Variants in GNAL observed in about 807,000 individuals in gnomAD.
GNAL encodes the protein guanine nucleotide-binding protein G(olf) subunit alpha.
Under a neutral mutation model 55.1 loss-of-function variants are expected in GNAL, and 18 were observed. The ratio of observed to expected loss-of-function variants is 0.33; its 90% CI spans 0.23 to 0.48. The LOEUF is 0.48. Ranked by LOEUF, GNAL falls within the 20% of genes least tolerant of loss-of-function variation. GNAL has a pLI of 0.99. For synonymous variants in GNAL, 253 were observed against 237.0 expected (o/e 1.07, Z -0.62); for missense variants, 412 against 614.1 (o/e 0.67, Z 3.48).
At chr18:11,845,769 A>AAG (rs58313183) in intron 5 of GNAL, among the ~76,000 whole-genome samples, 98 of 147,662 alleles carry the variant, frequency 6.6e-4, no homozygotes, top group South Asian at 1.6e-3. Context: ...AGGAAGAGAA[A>AAG]AGAGAGAGAG....
chr18:11,780,823 A>G (rs1407115867), intron 4 of GNAL, among the ~76,000 whole-genome samples: 3 of 152,246 alleles, frequency 2.0e-5, no homozygotes, highest in Non-Finnish European at 4.4e-5. Flanking sequence ...TTCAAATACT[A>G]GAACCAGAAA....
At chr18:11,864,406 A>C in intron 6 of GNAL, 127 bp from the exon 7 acceptor site, 1 of 700,566 alleles carries the variant, frequency 1.4e-6, no homozygotes, top group East Asian at 2.6e-5. Flanking sequence ...GTTGGTTCTT[A>C]ATTGTTGTTT....
At position 11,834,914 on chromosome 18, in the gene GNAL, A is replaced by G. The variant is rs543102726; in HGVS notation, c.722+9899A>G. ...GGGCCCTGCAGGTGAGCCCCAGCTC[A>G]AGTGGCCTTGGGCAAAGCAGGGTGT... is the stretch of plus-strand genomic sequence containing the variant. On this transcript the variant is annotated intron_variant, in intron 5 of 11. Coordinates refer to ENST00000334049, the MANE Select transcript of GNAL (RefSeq NM_182978.4). Among the ~76,000 whole-genome samples, 296 of 152,338 alleles carry G rather than the reference A, an allele frequency of 1.9e-3. 2 individuals carry two copies. Among genetic ancestry groups the G allele is most frequent in the African/African-American group, 7.0e-3 (290 of 41,588 alleles).
rs115539898 is a variant in GNAL at position 11,719,620 on chromosome 18, C to T, written c.376+29681C>T. ...CAATCTGTTGATACTAAATTGCTTG[C>T]GCCCTGGATGTGTAGTTGGGTTGTA... On this transcript the variant is annotated intron_variant, in intron 1 of 11. Coordinates refer to ENST00000334049, the MANE Select transcript of GNAL (RefSeq NM_182978.4). Among the ~76,000 whole-genome samples the T allele has an allele frequency of 7.5e-3, 1,147 of 152,322 alleles. 13 individuals carry two copies. The highest frequency in any genetic ancestry group is 0.026 in the African/African-American group (1,083 of 41,572).
chr18:11,846,627 C>G (rs1780184616), intron 5 of GNAL, among the ~76,000 whole-genome samples: 1 of 151,848 alleles, frequency 6.6e-6, no homozygotes, highest in Non-Finnish European at 1.5e-5. Flanking sequence ...CTACCATGCC[C>G]AGCTAATTTT....
chr18:11,705,899 G>A (rs1321935605), intron 1 of GNAL, among the ~76,000 whole-genome samples: 1 of 151,926 alleles, frequency 6.6e-6, no homozygotes. Flanking sequence ...GGGATTACAG[G>A]CTCCTGCCAG....
chr18:11,766,835 G>A (rs1005736605), intron 4 of GNAL, among the ~76,000 whole-genome samples: 1 of 152,198 alleles, frequency 6.6e-6, no homozygotes, highest in African/African-American at 2.4e-5. Flanking sequence ...CACTGAGGGA[G>A]ATCATAAATT....
chr18:11,877,727 C>T (rs1246189249), intron 11 of GNAL, among the ~76,000 whole-genome samples: 8 of 152,182 alleles, frequency 5.3e-5, no homozygotes, highest in Non-Finnish European at 7.4e-5. Flanking sequence ...GGCCTTTCCA[C>T]GGGGACCGGC....
intron 5 of GNAL, among the ~76,000 whole-genome samples, chr18:11,827,373 TA>T (rs2035273057): frequency 6.6e-6 from 1 of 151,604 alleles, no homozygotes; most frequent in Admixed American, 6.6e-5. Context: ...AGCACTTTGG[TA>T]GGCCGAGGAG....
intron 5 of GNAL, among the ~76,000 whole-genome samples, chr18:11,845,273 T>TA (rs1302974781): frequency 8.5e-5 from 13 of 152,182 alleles, no homozygotes; most frequent in Admixed American, 6.5e-4. Flanking sequence ...TGTACCGTAT[T>TA]ACGCCAGACG....
chr18:11,709,924 A>G (rs2031798152), intron 1 of GNAL, among the ~76,000 whole-genome samples: 1 of 152,222 alleles, frequency 6.6e-6, no homozygotes, highest in Admixed American at 6.5e-5. Flanking sequence ...TAAGTATAAT[A>G]TTAGCTGTGG....
At chr18:11,825,751 G>GAAAAAAAAAA (rs1289147177) in intron 5 of GNAL, among the ~76,000 whole-genome samples, 1 of 62,552 alleles carries the variant, frequency 1.6e-5, no homozygotes, top group Non-Finnish European at 4.3e-5. Context: ...AAAAAAAAAG[G>GAAAAAAAAAA]AAAAGGACAC....
At chr18:11,702,003 G>C (rs1163236316) in intron 1 of GNAL, 1 of 152,124 alleles carries the variant, frequency 6.6e-6, no homozygotes, top group Non-Finnish European at 1.5e-5. Context: ...TCACTGAAAG[G>C]AAGGTGGATA....
intron 4 of GNAL, among the ~76,000 whole-genome samples, chr18:11,800,281 G>A (rs561651881): frequency 1.3e-5 from 2 of 152,148 alleles, no homozygotes; most frequent in Non-Finnish European, 2.9e-5. Flanking sequence ...GATTAAATAA[G>A]ATAAGATGAC....
intron 4 of GNAL, among the ~76,000 whole-genome samples, chr18:11,762,268 T>C (rs560195266): frequency 6.6e-6 from 1 of 152,222 alleles, no homozygotes; most frequent in African/African-American, 2.4e-5. Context: ...AAGCAACAGT[T>C]TTCAGTGGGG....
intron 4 of GNAL, among the ~76,000 whole-genome samples, chr18:11,768,786 C>G (rs1280775179): frequency 6.9e-6 from 1 of 145,490 alleles, no homozygotes; most frequent in African/African-American, 2.5e-5. Flanking sequence ...CCCAGCTACT[C>G]GGGAGGCTGA....
At chr18:11,750,579 CCA>C (rs1008964022) in intron 1 of GNAL, among the ~76,000 whole-genome samples, 2 of 152,110 alleles carry the variant, frequency 1.3e-5, no homozygotes, top group Non-Finnish European at 2.9e-5. Context: ...AAAGCAGGAG[CCA>C]CAGAGACGGA....
In GNAL at chr18:11,869,876, G is replaced by A. The variant is rs190439509; in HGVS notation, c.1031+1213G>A. Among the ~76,000 whole-genome samples the A allele has an allele frequency of 3.8e-3, 577 of 152,232 alleles. 1 individual carries two copies. Among genetic ancestry groups the A allele is most frequent in the Non-Finnish European group, 5.6e-3 (384 of 68,024 alleles). On this transcript the variant is annotated intron_variant, in intron 9 of 11. Transcript: ENST00000334049. ...GTAAGCTGCGATTGCATCACTGCAC[G>A]TCAGTCTGGGCGACAGAGGGAGACT...
chr18:11,816,719 C>T (rs2034965042), intron 4 of GNAL, among the ~76,000 whole-genome samples: 1 of 151,468 alleles, frequency 6.6e-6, no homozygotes, highest in Non-Finnish European at 1.5e-5. Context: ...GAGGCTGAGG[C>T]AGGAGAATCT....
Sources: gnomAD v4.1 joint callset for allele counts (sites outside exome capture counted in the v4.1 genomes callset) on GRCh38, gnomAD v4.1.1 for gene constraint, MANE v1.5 for transcripts, NCBI Gene and HGNC (gene_info 2026-07-23, HGNC 2026-07-21) for gene names.